DLGAP4: variants seen among roughly 807,000 people sequenced by gnomAD.
The protein encoded by DLGAP4 is disks large-associated protein 4.
DLGAP4 carries 18 observed loss-of-function variants against 86.9 expected under a neutral mutation model. That is an observed-to-expected ratio of 0.21 (90% CI 0.14 to 0.31). The LOEUF (loss-of-function observed/expected upper bound fraction) is 0.31. Among genes scored for constraint, DLGAP4 ranks in the 10% least tolerant of loss-of-function variants. The probability of loss-of-function intolerance (pLI) is 1.00; values close to 1 mark genes in which losing one functional copy is unlikely to be tolerated. For missense variants in DLGAP4, 1,085 were observed against 1,362.6 expected, an observed-to-expected ratio of 0.80 and a Z score of 3.21; for synonymous variants, 548 against 574.3, an observed-to-expected ratio of 0.95 and a Z score of 0.65.
At chr20:36,335,073 C>G (rs1310993896) in intron 1 of DLGAP4, among the ~76,000 whole-genome samples, 1 of 152,138 alleles carries the variant, frequency 6.6e-6, no homozygotes, top group Admixed American at 6.5e-5. Flanking sequence ...GGAGCTGGCA[C>G]CTGAGCCCCT....
In DLGAP4 at chr20:36,461,340, A is replaced by T. The variant is rs1037952811; in HGVS notation, c.1648+14403A>T. 9 of 538,620 alleles carry T rather than the reference A, an allele frequency of 1.7e-5. No individual in the cohort carries two copies. The East Asian group carries it at 1.2e-3, about 73-fold the overall frequency. 33.4% of individuals were successfully genotyped at this position (538,620 alleles called of 1,614,324 possible). On this transcript the variant is annotated intron_variant, in intron 7 of 12. Coordinates refer to ENST00000339266, the MANE Select transcript of DLGAP4 (RefSeq NM_001365621.2). The stretch of plus-strand genomic sequence containing the variant: ...AGCCCGGCTGCGCGCGCCGGGCCAC[A>T]TGCCAAGCGGGCTGCGCGCGCCCCT...
intron 10 of DLGAP4, among the ~76,000 whole-genome samples, chr20:36,516,440 T>C (rs549120071): frequency 6.6e-6 from 1 of 151,766 alleles, no homozygotes; most frequent in African/African-American, 2.4e-5. Context: ...CCGAGGTGGG[T>C]GGATTGCCTG....
In DLGAP4 at chr20:36,527,334, C is replaced by CCATACTG. The variant is rs2037833191; in HGVS notation, c.*305_*311dup. 3.9e-6 allele frequency: 1 copy of CCATACTG among 257,784 alleles called. No individual in the cohort carries two copies. The highest frequency in any genetic ancestry group is 7.5e-6 in the Non-Finnish European group (1 of 133,564). 16.0% of individuals were successfully genotyped at this position (257,784 alleles called of 1,614,324 possible). Reference sequence around the variant, plus strand: ...ACGTCGGCAACTCCCGGCCCAGCCTCCATACTGCGGTCTTTTTACTCGTTC... The same window carrying CCATACTG: ...ACGTCGGCAACTCCCGGCCCAGCCTCCATACTGCATACTGCGGTCTTTTTACTCGTTC... On this transcript the variant is annotated 3_prime_UTR_variant, in exon 13 of 13. Transcript: ENST00000339266.
chr20:36,463,965 C>T (rs1336118987), intron 7 of DLGAP4, among the ~76,000 whole-genome samples: 3 of 152,200 alleles, frequency 2.0e-5, no homozygotes, highest in African/African-American at 7.2e-5. Context: ...GGTCCTGTTC[C>T]ATGGCACTGC....
intron 2 of DLGAP4, among the ~76,000 whole-genome samples, chr20:36,428,826 G>A (rs1338077426): frequency 6.6e-6 from 1 of 152,222 alleles, no homozygotes; most frequent in Non-Finnish European, 1.5e-5. Context: ...CTCTAGGGGA[G>A]AATTCATCTC....
chr20:36,420,431 C>T (rs2032789579), intron 2 of DLGAP4, among the ~76,000 whole-genome samples: 1 of 152,110 alleles, frequency 6.6e-6, no homozygotes, highest in Non-Finnish European at 1.5e-5. Flanking sequence ...GAAGAGCACT[C>T]CAGGCAGCTG....
intron 7 of DLGAP4, among the ~76,000 whole-genome samples, chr20:36,463,422 G>A (rs2034191066): frequency 1.4e-5 from 2 of 146,276 alleles, no homozygotes. Context: ...ACAGCTGGCT[G>A]GCTCCTGCCA....
chr20:36,523,580 T>C (rs548185700), intron 10 of DLGAP4, among the ~76,000 whole-genome samples: 2 of 152,372 alleles, frequency 1.3e-5, no homozygotes, highest in East Asian at 3.9e-4. Context: ...AAGTTTTTAA[T>C]ACCTCAGCTG....
At chr20:36,353,505 G>A (rs2147392263) in intron 1 of DLGAP4, among the ~76,000 whole-genome samples, 1 of 152,324 alleles carries the variant, frequency 6.6e-6, no homozygotes, top group South Asian at 2.1e-4. Context: ...ATCTTTTTGA[G>A]GACTCTTTTT....
At position 36,382,083 on chromosome 20, in the gene DLGAP4, T is replaced by G. The variant is rs1600460782; in HGVS notation, c.-73+14808T>G. Among the ~76,000 whole-genome samples the G allele has an allele frequency of 4.6e-5, 7 of 152,128 alleles. 1 individual carries two copies. The South Asian group carries it at 1.5e-3, about 32-fold the overall frequency. ...ATGGGCTGTGCTGGGTACCCCAAGG[T>G]GAGAAGTGAGGATGATTGCAATTAT... On this transcript the variant is annotated intron_variant, in intron 2 of 12. Coordinates refer to ENST00000339266, the MANE Select transcript of DLGAP4 (RefSeq NM_001365621.2).
chr20:36,374,813 T>C (rs1167420674), intron 2 of DLGAP4, among the ~76,000 whole-genome samples: 1 of 152,240 alleles, frequency 6.6e-6, no homozygotes, highest in Non-Finnish European at 1.5e-5. Context: ...AGAAAGCTTT[T>C]TCACAGGACC....
chr20:36,316,130 G>T (rs1323052684), intron 1 of DLGAP4, among the ~76,000 whole-genome samples: 1 of 152,184 alleles, frequency 6.6e-6, no homozygotes, highest in East Asian at 1.9e-4. Context: ...CCCTTCTCAA[G>T]CATCTTTTGG....
intron 1 of DLGAP4, among the ~76,000 whole-genome samples, chr20:36,309,333 A>G (rs2065032985): frequency 6.6e-6 from 1 of 152,106 alleles, no homozygotes; most frequent in Non-Finnish European, 1.5e-5. Flanking sequence ...CTGTCTCTTC[A>G]CGCCATTCCT....
At chr20:36,377,532 C>G (rs754495069) in intron 2 of DLGAP4, among the ~76,000 whole-genome samples, 1 of 152,200 alleles carries the variant, frequency 6.6e-6, no homozygotes, top group African/African-American at 2.4e-5. Flanking sequence ...GTGGATGTTG[C>G]GCTAGATTCC....
chr20:36,502,190 TAATC>T (rs1216470137), intron 10 of DLGAP4, among the ~76,000 whole-genome samples: 1 of 152,254 alleles, frequency 6.6e-6, no homozygotes, highest in Non-Finnish European at 1.5e-5. Context: ...TGATAAATAG[TAATC>T]AGTGTTTCTG....
chr20:36,476,844 C>T (rs927612146), intron 7 of DLGAP4, among the ~76,000 whole-genome samples: 1 of 151,630 alleles, frequency 6.6e-6, no homozygotes, highest in Non-Finnish European at 1.5e-5. Flanking sequence ...CAGGCATGCA[C>T]CACCATACCC....
chr20:36,319,973 A>G (rs1432429604), intron 1 of DLGAP4, among the ~76,000 whole-genome samples: 1 of 75,094 alleles, frequency 1.3e-5, no homozygotes, highest in Non-Finnish European at 2.7e-5. Flanking sequence ...TCTGCGTCCC[A>G]CTCCCCCGGG....
At chr20:36,458,344 CTTTTTT>C (rs1173496431) in intron 7 of DLGAP4, among the ~76,000 whole-genome samples, 137 of 91,434 alleles carry the variant, frequency 1.5e-3, no homozygotes, top group East Asian at 0.011. Flanking sequence ...AACCCCATAT[CTTTTTT>C]TTTTTTTTTT....
intron 1 of DLGAP4, among the ~76,000 whole-genome samples, chr20:36,317,700 T>G (rs2065123379): frequency 2.0e-5 from 3 of 152,008 alleles, no homozygotes; most frequent in African/African-American, 7.2e-5. Flanking sequence ...CAAGCAATCC[T>G]TCTCTCCAGC....
Sources: allele counts gnomAD v4.1 joint callset (sites outside exome capture counted in the v4.1 genomes callset), GRCh38; gene constraint gnomAD v4.1.1; transcripts MANE v1.5; gene names NCBI Gene and HGNC (gene_info 2026-07-23, HGNC 2026-07-21).